The following DNAJC1 variants were observed in gnomAD, a reference collection of about 807,000 sequenced individuals.
The protein encoded by DNAJC1 is dnaJ homolog subfamily C member 1.
DNAJC1 carries 58 observed loss-of-function variants against 76.6 expected under a neutral mutation model. That is an observed-to-expected ratio of 0.76 (90% CI 0.61 to 0.94). The LOEUF is 0.94. Among genes scored for constraint, DNAJC1 ranks in the 40% least tolerant of loss-of-function variants. The pLI is 0.00. For missense variants in DNAJC1, 689 were observed against 677.3 expected, an observed-to-expected ratio of 1.02 and a Z score of -0.19; for synonymous variants, 258 against 267.9, an observed-to-expected ratio of 0.96 and a Z score of 0.36.
intron 9 of DNAJC1, among the ~76,000 whole-genome samples, chr10:21,781,376 T>G (rs1227034453): frequency 3.3e-5 from 5 of 151,998 alleles, no homozygotes; most frequent in African/African-American, 9.7e-5. Context: ...GAACAGAAAT[T>G]ATAACAAACT....
At chr10:21,860,502 C>G (rs1189081080) in intron 8 of DNAJC1, among the ~76,000 whole-genome samples, 1 of 151,864 alleles carries the variant, frequency 6.6e-6, no homozygotes, top group East Asian at 1.9e-4. Flanking sequence ...ACCAGCCTGA[C>G]CAAAAATAGT....
At chr10:21,813,096 C>CACATAT (rs1554887835) in intron 8 of DNAJC1, among the ~76,000 whole-genome samples, 57 of 117,296 alleles carry the variant, frequency 4.9e-4, no homozygotes, top group East Asian at 2.2e-3. Flanking sequence ...TACACACACA[C>CACATAT]ATATATATAT....
intron 9 of DNAJC1, among the ~76,000 whole-genome samples, chr10:21,779,961 T>C (rs1204654334): frequency 9.2e-5 from 14 of 152,034 alleles, no homozygotes; most frequent in African/African-American, 2.9e-4. Context: ...CAAGTTTCAG[T>C]AGCCGATTGG....
intron 10 of DNAJC1, among the ~76,000 whole-genome samples, chr10:21,765,069 T>A (rs948571018): frequency 1.1e-4 from 16 of 152,232 alleles, no homozygotes; most frequent in Non-Finnish European, 1.5e-5. Flanking sequence ...TGGTATGATT[T>A]TGGAGAATGT....
chr10:21,829,128 G>A (rs575969087), intron 8 of DNAJC1, among the ~76,000 whole-genome samples: 7 of 151,866 alleles, frequency 4.6e-5, no homozygotes, highest in African/African-American at 1.7e-4. Flanking sequence ...CCTCCTGGGT[G>A]CAAGCGATTC....
chr10:21,809,221 T>C (rs1017983378), intron 8 of DNAJC1, among the ~76,000 whole-genome samples: 1 of 152,132 alleles, frequency 6.6e-6, no homozygotes, highest in African/African-American at 2.4e-5. Context: ...CATCATATAA[T>C]TTATTTGGCA....
At chr10:21,799,263 G>A (rs1834784672) in intron 9 of DNAJC1, among the ~76,000 whole-genome samples, 1 of 151,970 alleles carries the variant, frequency 6.6e-6, no homozygotes, top group Admixed American at 6.6e-5. Context: ...CATGTTCTTT[G>A]TGGAATTTCT....
chr10:21,936,046 G>T (rs1455531661), intron 1 of DNAJC1, among the ~76,000 whole-genome samples: 2 of 152,188 alleles, frequency 1.3e-5, no homozygotes, highest in African/African-American at 4.8e-5. Context: ...GCTGTGGTCT[G>T]AATGTTTGCA....
intron 1 of DNAJC1, among the ~76,000 whole-genome samples, chr10:22,000,661 T>C (rs1029429095): frequency 6.6e-6 from 1 of 152,232 alleles, no homozygotes; most frequent in Non-Finnish European, 1.5e-5. Context: ...CTAATCCCCA[T>C]TGTGACAGTA....
At chr10:21,893,333 A>G (rs2131733407) in intron 7 of DNAJC1, among the ~76,000 whole-genome samples, 1 of 152,332 alleles carries the variant, frequency 6.6e-6, no homozygotes, top group East Asian at 1.9e-4. Context: ...ATAAAAATAT[A>G]TCAAAATATG....
chr10:21,939,146 C>A (rs938651865), intron 1 of DNAJC1, among the ~76,000 whole-genome samples: 1 of 152,164 alleles, frequency 6.6e-6, no homozygotes, highest in Non-Finnish European at 1.5e-5. Context: ...ACCTCAGCCT[C>A]CTGAAGTGCT....
At chr10:21,921,193 CAT>C (rs1361132958) in intron 3 of DNAJC1, among the ~76,000 whole-genome samples, 1 of 151,828 alleles carries the variant, frequency 6.6e-6, no homozygotes, top group Non-Finnish European at 1.5e-5. Context: ...TACCAGATCT[CAT>C]GTTTTTACAG....
chr10:21,898,779 A>G (rs1235881120), intron 7 of DNAJC1, among the ~76,000 whole-genome samples: 2 of 151,942 alleles, frequency 1.3e-5, no homozygotes, highest in Non-Finnish European at 2.9e-5. Context: ...CATGTTGGCC[A>G]GGCCAGAATA....
chr10:21,773,965 C>G (rs1380648634), intron 9 of DNAJC1, among the ~76,000 whole-genome samples: 1 of 150,998 alleles, frequency 6.6e-6, no homozygotes, highest in South Asian at 2.1e-4. Context: ...AACGGTGAAA[C>G]CCCGTCTCTA....
intron 1 of DNAJC1, among the ~76,000 whole-genome samples, chr10:21,974,583 A>G (rs938473545): frequency 1.3e-5 from 2 of 152,198 alleles, no homozygotes; most frequent in African/African-American, 4.8e-5. Flanking sequence ...ATTTCATGAA[A>G]AAGTAAGTAC....
chr10:21,835,515 G>A (rs1261871474), intron 8 of DNAJC1, among the ~76,000 whole-genome samples: 1 of 152,132 alleles, frequency 6.6e-6, no homozygotes, highest in Non-Finnish European at 1.5e-5. Flanking sequence ...GGCTTCAGAC[G>A]ATCAAACTAC....
intron 1 of DNAJC1, among the ~76,000 whole-genome samples, chr10:21,992,368 A>G (rs1021876492): frequency 6.6e-6 from 1 of 152,180 alleles, no homozygotes; most frequent in Non-Finnish European, 1.5e-5. Context: ...ATTTTAGTAT[A>G]TTGGGTTAAA....
At chr10:21,784,831 A>G (rs975673380) in intron 9 of DNAJC1, among the ~76,000 whole-genome samples, 1 of 151,894 alleles carries the variant, frequency 6.6e-6, no homozygotes, top group South Asian at 2.1e-4. Flanking sequence ...GTTCTCACAC[A>G]TAGGTGGGAA....
chr10:21,932,831 C>G (rs1318711198), intron 1 of DNAJC1, among the ~76,000 whole-genome samples: 1 of 152,154 alleles, frequency 6.6e-6, no homozygotes, highest in African/African-American at 2.4e-5. Flanking sequence ...CCATGTTGCC[C>G]AGGCTGGTCT....
Sources: gnomAD v4.1 joint callset for allele counts (sites outside exome capture counted in the v4.1 genomes callset) on GRCh38, gnomAD v4.1.1 for gene constraint, MANE v1.5 for transcripts, NCBI Gene and HGNC (gene_info 2026-07-23, HGNC 2026-07-21) for gene names.